The following IL16 variants were observed in gnomAD, a reference collection of about 807,000 sequenced individuals.
IL16 encodes pro-interleukin-16.
A neutral mutation model predicts 110.1 loss-of-function variants in IL16; 67 were observed. The observed-to-expected ratio is 0.61, with a 90% confidence interval of 0.50 to 0.75. The LOEUF (loss-of-function observed/expected upper bound fraction) is 0.75, where lower values mean the gene tolerates loss of function less well. Among genes scored for constraint, IL16 ranks in the 30% least tolerant of loss-of-function variants. IL16 has a pLI of 0.00. For synonymous variants in IL16, 689 were observed against 662.9 expected (o/e 1.04, Z -0.61); for missense variants, 1,545 against 1,655.0 (o/e 0.93, Z 1.15).
chr15:81,295,082 T>G (rs1298965761), intron 12 of IL16, among the ~76,000 whole-genome samples: 1 of 152,200 alleles, frequency 6.6e-6, no homozygotes. Flanking sequence ...AACATCCCTC[T>G]TATAAAAAAT....
intron 8 of IL16, among the ~76,000 whole-genome samples, chr15:81,280,850 G>A (rs576477891): frequency 9.1e-4 from 139 of 152,336 alleles, no homozygotes; most frequent in South Asian, 1.7e-3. Context: ...CTGTAACCAG[G>A]GCTCCCGCAG....
Position 81,282,776 on chromosome 15 carries a change from T to A in IL16, c.1199+20T>A. ...TCTCCGGTATGTCCTCACTTCTGTT[T>A]CTGAATATACCCCCGACTTACAACC... On this transcript the variant is annotated intron_variant, in intron 9 of 18. Transcript: ENST00000683961. 1 of 1,515,638 alleles carries A rather than the reference T, an allele frequency of 6.6e-7. No homozygotes were observed. Among genetic ancestry groups the A allele is most frequent in the South Asian group, 1.1e-5 (1 of 89,208 alleles). The allele number at this position is 1,515,638 out of a possible 1,614,324, so 93.9% of individuals were successfully genotyped here.
chr15:81,205,779 A>G (rs1895995329), intron 1 of IL16, among the ~76,000 whole-genome samples: 1 of 152,190 alleles, frequency 6.6e-6, no homozygotes, highest in African/African-American at 2.4e-5. Context: ...CAAGAGACAC[A>G]TTTAAAACTT....
chr15:81,295,974 T>C (rs1333008938), intron 12 of IL16, among the ~76,000 whole-genome samples: 7 of 152,182 alleles, frequency 4.6e-5, no homozygotes, highest in East Asian at 3.8e-4. Flanking sequence ...CACCGCAGTA[T>C]AGCAAAGCAT....
At chr15:81,249,954 A>G (rs1383548667) in intron 2 of IL16, among the ~76,000 whole-genome samples, 10 of 152,072 alleles carry the variant, frequency 6.6e-5, no homozygotes, top group Non-Finnish European at 5.9e-5. Flanking sequence ...TCATCCATCT[A>G]TTTAATTTTT....
intron 2 of IL16, among the ~76,000 whole-genome samples, chr15:81,246,538 A>C (rs1897555901): frequency 6.6e-6 from 1 of 152,150 alleles, no homozygotes; most frequent in African/African-American, 2.4e-5. Context: ...TCAGTCGACT[A>C]TGATTTTATT....
intron 16 of IL16, among the ~76,000 whole-genome samples, chr15:81,305,532 T>G (rs1900504554): frequency 6.6e-6 from 1 of 151,916 alleles, no homozygotes; most frequent in Non-Finnish European, 1.5e-5. Flanking sequence ...AGCCTTTTTC[T>G]TACACAATAC....
chr15:81,272,800 G>T (rs774946351), intron 5 of IL16, among the ~76,000 whole-genome samples: 2 of 152,224 alleles, frequency 1.3e-5, no homozygotes, highest in Non-Finnish European at 2.9e-5. Context: ...GAGCCAGGGT[G>T]CTGGTCTCCA....
chr15:81,269,612 C>A lies in IL16; in HGVS notation c.639C>A (p.Val213=). The A allele has an allele frequency of 1.2e-6, 2 of 1,613,922 alleles. No homozygotes were observed. The highest frequency in any genetic ancestry group is 1.7e-6 in the Non-Finnish European group (2 of 1,179,866). The change falls in exon 5 of 19, where the codon GTC becomes GTA. Residue 213 remains valine, a synonymous_variant. Coordinates refer to ENST00000683961, the MANE Select transcript of IL16 (RefSeq NM_172217.5). ...CATCTGGGGGCCTCCAGGCTTCAGTCATCTCCAACATCGTGCTGATGAAGG... is the reference window on the plus strand; with the variant it reads ...CATCTGGGGGCCTCCAGGCTTCAGTAATCTCCAACATCGTGCTGATGAAGG... ...VQPSGGLQAS[V]ISNIVLMKGQ...
At chr15:81,238,752 A>G (rs1897254381) in intron 2 of IL16, among the ~76,000 whole-genome samples, 1 of 150,266 alleles carries the variant, frequency 6.7e-6, no homozygotes, top group African/African-American at 2.4e-5. Flanking sequence ...CAGACATTTT[A>G]TCATTTTCTT....
rs528647275 is a variant in IL16 at position 81,198,141 on chromosome 15, G to A, written c.-102+989G>A. Among the ~76,000 whole-genome samples the A allele has an allele frequency of 4.6e-5, 7 of 152,326 alleles. 1 individual carries two copies. The East Asian group carries it at 7.7e-4, about 17-fold the overall frequency. ...TGGGCATGAGCCGTCAGGTGGGTCA[G>A]ACCCTTGAAGCCTCTACTGCTCATT... On this transcript the variant is annotated intron_variant, in intron 1 of 18. Coordinates refer to ENST00000683961, the MANE Select transcript of IL16 (RefSeq NM_172217.5).
chr15:81,254,879 T>C (rs548330032), intron 2 of IL16, among the ~76,000 whole-genome samples: 53 of 152,302 alleles, frequency 3.5e-4, no homozygotes, highest in African/African-American at 1.2e-3. Context: ...TGACATGTGA[T>C]CATTTGAGAG....
At chr15:81,247,005 A>G (rs1897573368) in intron 2 of IL16, among the ~76,000 whole-genome samples, 1 of 145,922 alleles carries the variant, frequency 6.9e-6, no homozygotes, top group African/African-American at 2.5e-5. Flanking sequence ...TCATCTTTTA[A>G]TCTTTACTGT....
chr15:81,270,566 C>A (rs957160763), intron 5 of IL16, among the ~76,000 whole-genome samples: 12 of 152,164 alleles, frequency 7.9e-5, no homozygotes, highest in Non-Finnish European at 2.9e-5. Context: ...CTCCTCTGAT[C>A]ACAAGGGAGT....
At position 81,263,353 on chromosome 15, in the gene IL16, T is replaced by TTG. The variant is rs1234219134; in HGVS notation, c.422-2305_422-2304insGT. Among the ~76,000 whole-genome samples, 405 of 149,428 alleles carry TTG rather than the reference T, an allele frequency of 2.7e-3. 7 individuals carry two copies. Among genetic ancestry groups the TTG allele is most frequent in the African/African-American group, 8.7e-3 (344 of 39,570 alleles). On this transcript the variant is annotated intron_variant, in intron 3 of 18. Transcript: ENST00000683961. ...GCTCCCCTTTCAAAAACTATTTTTT[T>TTG]TTGTTTTTTTTTTTTTTGCATTGGG...
intron 3 of IL16, among the ~76,000 whole-genome samples, chr15:81,260,463 G>GT (rs1172830896): frequency 6.6e-6 from 1 of 152,006 alleles, no homozygotes; most frequent in African/African-American, 2.4e-5. Flanking sequence ...CCATTTTTTA[G>GT]TGGATCCATG....
At chr15:81,253,866 C>T (rs1442415625) in intron 2 of IL16, among the ~76,000 whole-genome samples, 1 of 152,194 alleles carries the variant, frequency 6.6e-6, no homozygotes, top group African/African-American at 2.4e-5. Flanking sequence ...GAACTGCAGT[C>T]ATGCAGGGGT....
chr15:81,237,903 T>G (rs2142088672), intron 2 of IL16, among the ~76,000 whole-genome samples: 1 of 151,548 alleles, frequency 6.6e-6, no homozygotes, highest in African/African-American at 2.4e-5. Context: ...TTTTATTTAT[T>G]TTATTTATTT....
At chr15:81,206,635 T>C (rs1263902254) in intron 1 of IL16, among the ~76,000 whole-genome samples, 1 of 152,052 alleles carries the variant, frequency 6.6e-6, no homozygotes. Context: ...CACGATGCAA[T>C]TAAACTGGAA....
Sources: allele counts gnomAD v4.1 joint callset (sites outside exome capture counted in the v4.1 genomes callset), GRCh38; gene constraint gnomAD v4.1.1; transcripts MANE v1.5; gene names NCBI Gene and HGNC (gene_info 2026-07-23, HGNC 2026-07-21).